Variants in XXYLT1 observed in about 807,000 individuals in gnomAD.
XXYLT1 encodes the protein UDP-xylose:alpha-xyloside alpha-1,3-xylosyltransferase.
XXYLT1 carries 20 observed loss-of-function variants against 28.9 expected under a neutral mutation model. The ratio of observed to expected loss-of-function variants is 0.69; its 90% CI spans 0.49 to 1.00. The LOEUF (loss-of-function observed/expected upper bound fraction) is 1.00, where lower values mean the gene tolerates loss of function less well. Ranked by LOEUF, XXYLT1 falls within the 50% of genes least tolerant of loss-of-function variation. The pLI, the probability that XXYLT1 is intolerant of heterozygous loss-of-function variation, is 0.00. For missense variants in XXYLT1, 542 were observed against 560.1 expected (o/e 0.97, Z 0.33); for synonymous variants, 257 against 253.8 (o/e 1.01, Z -0.12).
At position 195,195,290 on chromosome 3, in the gene XXYLT1, T is replaced by C. The variant is rs878863198; in HGVS notation, c.652+31419A>G. On this transcript the variant is annotated intron_variant, in intron 2 of 3. Coordinates refer to ENST00000310380, the MANE Select transcript of XXYLT1 (RefSeq NM_152531.5). The surrounding 1 kb of genome is among the most constrained non-coding windows in gnomAD (Gnocchi z 4.4). ...CTGGGTCTCAGTAAGCCTTCTGTAT[T>C]AGCAGTTATTATTATTACAGTCATA... Among the ~76,000 whole-genome samples, 4 of 152,204 alleles carry C rather than the reference T, an allele frequency of 2.6e-5. No individual in the cohort carries two copies. Among genetic ancestry groups the C allele is most frequent in the Admixed American group, 1.3e-4 (2 of 15,280 alleles).
intron 3 of XXYLT1, among the ~76,000 whole-genome samples, chr3:195,141,480 C>A (rs1323039684): frequency 3.3e-5 from 5 of 152,180 alleles, no homozygotes; most frequent in Non-Finnish European, 7.3e-5. Flanking sequence ...CCGTATATGA[C>A]CTCAACTACT....
At position 195,209,099 on chromosome 3, in the gene XXYLT1, C is replaced by G. The variant is rs115579546; in HGVS notation, c.652+17610G>C. ...CCCACCTCCCCTTACGTGGCTCACT[C>G]GCCTCTCAGGGGGAAGCTATCTCCC... On this transcript the variant is annotated intron_variant, in intron 2 of 3. Coordinates refer to ENST00000310380, the MANE Select transcript of XXYLT1 (RefSeq NM_152531.5). This position sits in a 1 kb window ranked among gnomAD's most constrained non-coding sequence, Gnocchi z 5.0. Among the ~76,000 whole-genome samples the G allele has an allele frequency of 6.6e-6, 1 of 152,230 alleles. No individual in the cohort carries two copies. Among genetic ancestry groups the G allele is most frequent in the South Asian group, 2.1e-4 (1 of 4,828 alleles).
intron 3 of XXYLT1, among the ~76,000 whole-genome samples, chr3:195,079,114 A>G (rs1715285620): frequency 6.6e-6 from 1 of 152,180 alleles, no homozygotes; most frequent in Admixed American, 6.5e-5. Context: ...ACCCAGTGTC[A>G]TCTGCCCCCA....
chr3:195,120,719 G>T (rs750663377), intron 3 of XXYLT1, among the ~76,000 whole-genome samples: 1 of 152,186 alleles, frequency 6.6e-6, no homozygotes, highest in African/African-American at 2.4e-5. Flanking sequence ...TTCAGAGTCA[G>T]GATTTCCCTT....
At chr3:195,101,661 T>G (rs147755643) in intron 3 of XXYLT1, among the ~76,000 whole-genome samples, 1 of 151,646 alleles carries the variant, frequency 6.6e-6, no homozygotes, top group African/African-American at 2.4e-5. Context: ...AATTGGGATA[T>G]AGCAAAAAAT....
intron 3 of XXYLT1, among the ~76,000 whole-genome samples, chr3:195,132,467 CAAA>C (rs200263210): frequency 1.6e-5 from 2 of 127,176 alleles, no homozygotes; most frequent in Non-Finnish European, 3.4e-5. Context: ...ACTCGGTCTC[CAAA>C]AAAAAAAAAA....
rs1002364270 is a variant in XXYLT1 at position 195,077,566 on chromosome 3, T to C, written c.786-7455A>G. ...AGTCTGGAATGATAAAGGTGACCCA[T>C]AGTGTCAGTCTCGTTCCCAAAGCTG... On this transcript the variant is annotated intron_variant, in intron 3 of 3. Transcript: ENST00000310380. The surrounding 1 kb of genome is among the most constrained non-coding windows in gnomAD (Gnocchi z 4.8). Among the ~76,000 whole-genome samples the C allele has an allele frequency of 6.6e-6, 1 of 152,074 alleles. No homozygotes were observed.
Position 195,124,354 on chromosome 3 carries a change from G to C in XXYLT1, c.785+32095C>G, listed in dbSNP as rs562963827. 6.6e-5 allele frequency among the ~76,000 whole-genome samples: 10 copies of C among 152,352 alleles called. No homozygotes were observed. Among genetic ancestry groups the C allele is most frequent in the Admixed American group, 5.2e-4 (8 of 15,310 alleles). On this transcript the variant is annotated intron_variant, in intron 3 of 3. Coordinates refer to ENST00000310380, the MANE Select transcript of XXYLT1 (RefSeq NM_152531.5). This position sits in a 1 kb window ranked among gnomAD's most constrained non-coding sequence, Gnocchi z 4.1. ...ACCAGATGGTTGGGGGCTGGACTGA[G>C]ATGCTTCTGGGAGAACGATGGGTAT...
intron 1 of XXYLT1, 69 bp downstream of exon 1, chr3:195,270,486 A>C: frequency 7.4e-7 from 1 of 1,350,884 alleles, no homozygotes; most frequent in Admixed American, 3.8e-5. Context: ...CCCCTCCGGG[A>C]GCGCAAACTG....
At chr3:195,084,553 T>C (rs1715618842) in intron 3 of XXYLT1, among the ~76,000 whole-genome samples, 1 of 152,222 alleles carries the variant, frequency 6.6e-6, no homozygotes, top group African/African-American at 2.4e-5. Flanking sequence ...ATGTATTTCA[T>C]GCAACCCAGA....
intron 3 of XXYLT1, among the ~76,000 whole-genome samples, chr3:195,151,423 G>C (rs569359765): frequency 8.9e-4 from 136 of 152,178 alleles, no homozygotes; most frequent in African/African-American, 3.2e-3. Context: ...CCAGCTACTC[G>C]GGAGGCTGAG....
At chr3:195,072,411 CA>C (rs986254265) in intron 3 of XXYLT1, among the ~76,000 whole-genome samples, 44 of 152,290 alleles carry the variant, frequency 2.9e-4, no homozygotes, top group African/African-American at 1.0e-3. Context: ...GGAACGCTCC[CA>C]AATCTTCTGT....
At chr3:195,225,472 G>C (rs1424205157) in intron 2 of XXYLT1, among the ~76,000 whole-genome samples, 4 of 152,130 alleles carry the variant, frequency 2.6e-5, no homozygotes, top group Non-Finnish European at 5.9e-5. Context: ...CTGGTCTGCT[G>C]GGCTGGAGGA....
chr3:195,118,438 G>A (rs1718162639), intron 3 of XXYLT1, among the ~76,000 whole-genome samples: 1 of 147,952 alleles, frequency 6.8e-6, no homozygotes, highest in Admixed American at 6.8e-5. Context: ...GGCTCCCAGT[G>A]CATGTCACCG....
At position 195,270,917 on chromosome 3, in the gene XXYLT1, A is replaced by G; in HGVS notation, c.142T>C (p.Phe48Leu). The change falls in exon 1 of 4, where the codon TTC (phenylalanine) becomes CTC (leucine). Residue 48 changes from phenylalanine (F) to leucine (L), a missense_variant. Physicochemically the swap from Phe to Leu is conservative, Grantham distance 22. Coordinates refer to ENST00000310380, the MANE Select transcript of XXYLT1 (RefSeq NM_152531.5). ...FYYLGSGRETFSSATKRLKEA... is the reference protein window; with the variant it reads ...FYYLGSGRETLSSATKRLKEA... ...TTCAGCCTCTTGGTGGCGCTGGAGA[A>G]GGTCTCCCGGCCTGAGCCGAGGTAG... The G allele has an allele frequency of 6.7e-7, 1 of 1,481,790 alleles. No homozygotes were observed. The highest frequency in any genetic ancestry group is 8.9e-7 in the Non-Finnish European group (1 of 1,118,208). 91.8% of individuals were successfully genotyped at this position (1,481,790 alleles called of 1,614,324 possible).
intron 3 of XXYLT1, among the ~76,000 whole-genome samples, chr3:195,155,335 G>C (rs995225515): frequency 2.6e-5 from 4 of 152,154 alleles, no homozygotes; most frequent in Non-Finnish European, 5.9e-5. Flanking sequence ...CCAGCATCAC[G>C]GTGTGCACTG....
intron 3 of XXYLT1, among the ~76,000 whole-genome samples, chr3:195,100,420 T>C (rs1716712621): frequency 6.6e-6 from 1 of 152,166 alleles, no homozygotes; most frequent in Admixed American, 6.5e-5. Flanking sequence ...AGCACACACA[T>C]CACAGCGCCT....
At chr3:195,260,209 C>A (rs1003075067) in intron 1 of XXYLT1, 13 of 150,398 alleles carry the variant, frequency 8.6e-5, no homozygotes, top group South Asian at 6.2e-4. Context: ...GCAGCGGCGC[C>A]CCCAGGCGGC....
intron 3 of XXYLT1, among the ~76,000 whole-genome samples, chr3:195,101,137 G>T (rs1464578990): frequency 6.6e-6 from 1 of 152,258 alleles, no homozygotes; most frequent in Non-Finnish European, 1.5e-5. Context: ...TGACAGTGAG[G>T]CTATGACAAG....
Sources: allele counts gnomAD v4.1 joint callset (sites outside exome capture counted in the v4.1 genomes callset), GRCh38; gene constraint gnomAD v4.1.1; non-coding constraint Gnocchi (gnomAD v3.1); transcripts MANE v1.5; gene names NCBI Gene and HGNC (gene_info 2026-07-23, HGNC 2026-07-21).